The following CWH43 variants were observed in gnomAD, a reference collection of about 807,000 sequenced individuals.
The protein encoded by CWH43 is cell wall biogenesis 43 C-terminal homolog.
A neutral mutation model predicts 85.7 loss-of-function variants in CWH43; 91 were observed. The observed-to-expected ratio is 1.06, with a 90% CI of 0.90 to 1.26. The LOEUF is 1.26. Among genes scored for constraint, CWH43 ranks in the 50% most tolerant of loss-of-function variants. CWH43 has a pLI of 0.00. For synonymous variants in CWH43, 323 were observed against 293.6 expected (o/e 1.10, Z -1.02); for missense variants, 869 against 839.2 (o/e 1.04, Z -0.44).
At chr4:49,002,466 T>C (rs1783020902) in intron 6 of CWH43, among the ~76,000 whole-genome samples, 1 of 152,194 alleles carries the variant, frequency 6.6e-6, no homozygotes, top group Admixed American at 6.5e-5. Flanking sequence ...TACAATTCCA[T>C]TTATGTAAAA....
chr4:49,050,696 TG>T lies in CWH43; in HGVS notation c.1871del (p.Gly624ValfsTer10), dbSNP rs748074326. 6.2e-7 allele frequency: 1 copy of T among 1,609,714 alleles called. No individual in the cohort carries two copies. The highest frequency in any genetic ancestry group is 8.5e-7 in the Non-Finnish European group (1 of 1,178,378). ...AACCATTTCTGTTTCTGCTACAGGT[TG>T]GGTTATGCAAGAATCTCCCATGCTG... ...EYIMYRGLIR[L>X]GYARISHAEL... is the part of the protein sequence containing the mutation. On this transcript the variant is annotated frameshift_variant, in exon 15 of 16. Coordinates refer to ENST00000226432, the MANE Select transcript of CWH43 (RefSeq NM_025087.3). LOFTEE classifies it high-confidence loss of function.
At chr4:49,023,350 G>T (rs539885445) in intron 9 of CWH43, among the ~76,000 whole-genome samples, 2 of 152,054 alleles carry the variant, frequency 1.3e-5, no homozygotes, top group African/African-American at 4.8e-5. Context: ...GGTTTTGAAG[G>T]TTCCTTTTGA....
At chr4:48,988,743 T>C (rs1782567728) in intron 2 of CWH43, 75 bp downstream of exon 2, 2 of 852,714 alleles carry the variant, frequency 2.3e-6, no homozygotes, top group Non-Finnish European at 3.4e-6. Flanking sequence ...GACTGTTCTT[T>C]GAATACTAAA....
intron 14 of CWH43, among the ~76,000 whole-genome samples, chr4:49,046,428 G>T (rs777445886): frequency 7.9e-5 from 12 of 151,992 alleles, no homozygotes; most frequent in Non-Finnish European, 1.2e-4. Flanking sequence ...CAAAATCCTT[G>T]ACTGTGGTAG....
chr4:49,036,922 G>A (rs939356154), intron 12 of CWH43, among the ~76,000 whole-genome samples: 1 of 152,076 alleles, frequency 6.6e-6, no homozygotes, highest in Admixed American at 6.5e-5. Context: ...CCCACTAGTC[G>A]GTGCTGGCTT....
chr4:49,061,640 T>C (rs567842791), intron 15 of CWH43, among the ~76,000 whole-genome samples, 172 bp from the exon 16 acceptor site: 22 of 152,188 alleles, frequency 1.4e-4, no homozygotes, highest in Non-Finnish European at 2.9e-4. Flanking sequence ...TCCATAACCA[T>C]GGAAAGAGGA....
rs34048083 is a variant in CWH43, at chr4:49,055,591, A to AT, written c.2021+4757dup. On this transcript the variant is annotated intron_variant, in intron 15 of 15. Coordinates refer to ENST00000226432, the MANE Select transcript of CWH43 (RefSeq NM_025087.3). ...AAGGATGGGCATTAATTTTTCTTTC[A>AT]TTTTTTTTTTTTTTTGAGATAGAGT... Among the ~76,000 whole-genome samples the AT allele has an allele frequency of 2.9e-3, 414 of 142,064 alleles. 3 individuals are homozygous for AT. The highest frequency in any genetic ancestry group is 8.2e-3 in the African/African-American group (315 of 38,254). 93.2% of individuals were successfully genotyped at this position (142,064 alleles called of 152,430 possible).
chr4:49,039,300 G>T (rs1307942030), intron 13 of CWH43, among the ~76,000 whole-genome samples: 1 of 4,556 alleles, frequency 2.2e-4, no homozygotes, highest in Non-Finnish European at 7.0e-4. Context: ...AAATTCTCAG[G>T]AGACTGATAT....
At chr4:49,061,748 G>A in intron 15 of CWH43, 64 bp from the exon 16 acceptor site, 1 of 1,194,580 alleles carries the variant, frequency 8.4e-7, no homozygotes, top group Non-Finnish European at 1.1e-6. Flanking sequence ...TTTTACATAA[G>A]AACATACCTT....
intron 8 of CWH43, among the ~76,000 whole-genome samples, chr4:49,008,651 A>G (rs1382835775): frequency 1.3e-5 from 2 of 152,188 alleles, no homozygotes; most frequent in Admixed American, 6.5e-5. Flanking sequence ...TAATTTTTGT[A>G]CAAAGTGCAA....
intron 2 of CWH43, 142 bp downstream of exon 2, chr4:48,988,810 C>T: frequency 1.7e-6 from 1 of 578,236 alleles, no homozygotes; most frequent in Non-Finnish European, 2.9e-6. Flanking sequence ...CTTAGAAGAG[C>T]TTTAGTAATT....
intron 9 of CWH43, among the ~76,000 whole-genome samples, chr4:49,021,429 G>A (rs926931169): frequency 1.3e-5 from 2 of 152,066 alleles, no homozygotes; most frequent in African/African-American, 4.8e-5. Flanking sequence ...TTTTATACCA[G>A]TACCATGCTG....
At chr4:49,037,984 T>C in intron 12 of CWH43, 52 bp from the exon 13 acceptor site, 1 of 1,534,062 alleles carries the variant, frequency 6.5e-7, no homozygotes, top group Non-Finnish European at 8.8e-7. Context: ...CTAAGGCTTT[T>C]TAAAGTTTGT....
intron 6 of CWH43, among the ~76,000 whole-genome samples, chr4:49,002,997 T>TGG (rs1783042061): frequency 6.6e-6 from 1 of 152,186 alleles, no homozygotes; most frequent in Non-Finnish European, 1.5e-5. Flanking sequence ...GGAAAGGGGT[T>TGG]ATATTGATGG....
At chr4:49,048,283 T>C (rs1477242696) in intron 14 of CWH43, among the ~76,000 whole-genome samples, 1 of 151,770 alleles carries the variant, frequency 6.6e-6, no homozygotes, top group African/African-American at 2.4e-5. Context: ...AGAGTTTATA[T>C]ATATATACAC....
At chr4:49,060,722 T>C (rs1054096393) in intron 15 of CWH43, among the ~76,000 whole-genome samples, 18 of 152,196 alleles carry the variant, frequency 1.2e-4, no homozygotes, top group Non-Finnish European at 2.4e-4. Flanking sequence ...TCATCTGAAA[T>C]CTTTAGCTCT....
At position 49,025,580 on chromosome 4, in the gene CWH43, G is replaced by C. The variant is rs571098975; in HGVS notation, c.1267-3049G>C. On this transcript the variant is annotated intron_variant, in intron 9 of 15. Transcript: ENST00000226432. ...TGTGGTGCTCTCCCCTTTTCCCCAG[G>C]GATGGGACTTTCTGAGAGCTGAACT... is the stretch of plus-strand genomic sequence containing the variant. Among the ~76,000 whole-genome samples, 6 of 152,242 alleles carry C rather than the reference G, an allele frequency of 3.9e-5. No homozygotes were observed. The East Asian group carries it at 1.2e-3, about 29-fold the overall frequency.
intron 14 of CWH43, among the ~76,000 whole-genome samples, chr4:49,046,786 G>T (rs1262529237): frequency 6.6e-6 from 1 of 152,144 alleles, no homozygotes; most frequent in Non-Finnish European, 1.5e-5. Flanking sequence ...AGTATGGCAG[G>T]TGGTGGTAGA....
At chr4:48,990,155 G>T (rs867479161) in intron 2 of CWH43, among the ~76,000 whole-genome samples, 4 of 152,316 alleles carry the variant, frequency 2.6e-5, no homozygotes, top group South Asian at 2.1e-4. Flanking sequence ...GGTAAGGGAT[G>T]TGATATAAAA....
Sources: gnomAD v4.1 joint callset for allele counts (sites outside exome capture counted in the v4.1 genomes callset) on GRCh38, gnomAD v4.1.1 for gene constraint, MANE v1.5 for transcripts, NCBI Gene and HGNC (gene_info 2026-07-23, HGNC 2026-07-21) for gene names.